The following NCBP1 variants were observed in gnomAD, a reference collection of about 807,000 sequenced individuals.
NCBP1 encodes nuclear cap-binding protein subunit 1.
Under a neutral mutation model 111.7 loss-of-function variants are expected in NCBP1, and 16 were observed. The observed-to-expected ratio is 0.14, with a 90% CI of 0.10 to 0.22. The LOEUF is 0.22. Among genes scored for constraint, NCBP1 ranks in the 10% least tolerant of loss-of-function variants. NCBP1 has a pLI of 1.00. For missense variants in NCBP1, 607 were observed against 957.5 expected (o/e 0.63, Z 4.83); for synonymous variants, 304 against 314.3 (o/e 0.97, Z 0.35).
At chr9:97,638,882 AACT>A (rs1827125468) in intron 1 of NCBP1, among the ~76,000 whole-genome samples, 1 of 152,294 alleles carries the variant, frequency 6.6e-6, no homozygotes, top group East Asian at 1.9e-4. Context: ...CCCTGTTGAG[AACT>A]ACTGCTGTAG....
chr9:97,657,885 G>GCGCTCTCTCT (rs1554694967), intron 14 of NCBP1, among the ~76,000 whole-genome samples: 2 of 114,024 alleles, frequency 1.8e-5, no homozygotes, highest in African/African-American at 7.3e-5. Context: ...GCCCCGGTAA[G>GCGCTCTCTCT]CTCTCTCTCT....
At chr9:97,646,446 T>C (rs1289668852) in intron 6 of NCBP1, among the ~76,000 whole-genome samples, 1 of 152,216 alleles carries the variant, frequency 6.6e-6, no homozygotes, top group Non-Finnish European at 1.5e-5. Context: ...GATTTTGTTG[T>C]TAAGTTTCAT....
Position 97,647,580 on chromosome 9 carries a change from C to G in NCBP1, c.681+19C>G, listed in dbSNP as rs1827379484. On this transcript the variant is annotated intron_variant, in intron 7 of 22. Transcript: ENST00000375147. ...AGAAGAGGTAAATGGATTTCAGTCC[C>G]TTGTGATACAAACACAGTCAGCTCT... is the stretch of plus-strand genomic sequence containing the variant. The G allele has an allele frequency of 6.3e-7, 1 of 1,584,046 alleles. No individual in the cohort carries two copies. The highest frequency in any genetic ancestry group is 2.2e-5 in the East Asian group (1 of 44,652).
chr9:97,658,755 A>G lies in NCBP1; in HGVS notation c.1477+12A>G. ...AGATGAAAGTAGCAGTAAGTAATGA[A>G]ACTAATCCCTCTGTCTTTAAAAGGT... On this transcript the variant is annotated intron_variant, in intron 15 of 22. Transcript: ENST00000375147. 8 of 1,547,462 alleles carry G rather than the reference A, an allele frequency of 5.2e-6. No individual in the cohort carries two copies. The highest frequency in any genetic ancestry group is 7.1e-6 in the Non-Finnish European group (8 of 1,120,006).
Position 97,648,227 on chromosome 9 carries a change from A to C in NCBP1, c.897+4A>C. 3.7e-6 allele frequency: 6 copies of C among 1,613,538 alleles called. No individual in the cohort carries two copies. The highest frequency in any genetic ancestry group is 5.1e-6 in the Non-Finnish European group (6 of 1,179,538). On this transcript the variant is annotated splice_donor_region_variant and intron_variant, in intron 8 of 22. Transcript: ENST00000375147. ...TGATTACACAGATGATCCCGAGGTA[A>C]GTGACCGACTAAAAGTCCTAGATAT...
chr9:97,663,777 C>T (rs896902586), intron 18 of NCBP1, among the ~76,000 whole-genome samples: 15 of 151,888 alleles, frequency 9.9e-5, no homozygotes, highest in Non-Finnish European at 8.8e-5. Context: ...TGAGCCACCG[C>T]GCCTGGCCAG....
intron 7 of NCBP1, 93 bp downstream of exon 7, chr9:97,647,654 C>T: frequency 3.6e-6 from 4 of 1,098,374 alleles, no homozygotes; most frequent in Non-Finnish European, 5.4e-6. Context: ...CCATTTTACC[C>T]TTTGACTGTG....
rs933129259 is a variant in NCBP1, at chr9:97,643,505, C to A, written c.381+145C>A. 11 of 836,348 alleles carry A rather than the reference C, an allele frequency of 1.3e-5. No individual in the cohort carries two copies. In the East Asian group the frequency reaches 1.8e-4, roughly 14 times the overall value. 51.8% of individuals were successfully genotyped at this position (836,348 alleles called of 1,614,324 possible). A position where few individuals can be genotyped will look rare whatever the true frequency, so the allele number is the denominator to read the frequency against. ...ATAAGCCACCTTTATTTTGACGATA[C>A]CCCCAAATCTGTAACTGTATCTCCA... On this transcript the variant is annotated intron_variant, in intron 4 of 22. Transcript: ENST00000375147.
At chr9:97,645,795 C>A in intron 6 of NCBP1, 63 bp downstream of exon 6, 1 of 1,553,340 alleles carries the variant, frequency 6.4e-7, no homozygotes, top group Non-Finnish European at 8.8e-7. Flanking sequence ...ATCAGTGATA[C>A]CATTTGAGTT....
chr9:97,634,035 G>A (rs1564013969), intron 1 of NCBP1, 120 bp downstream of exon 1: 4 of 1,256,142 alleles, frequency 3.2e-6, no homozygotes, highest in East Asian at 3.0e-5. Flanking sequence ...GGGGAGCCGC[G>A]GAGGGAAAGA....
intron 5 of NCBP1, among the ~76,000 whole-genome samples, 163 bp from the exon 6 acceptor site, chr9:97,645,448 T>G (rs574965294): frequency 1.3e-5 from 2 of 152,350 alleles, no homozygotes. Context: ...TGATGCTGTC[T>G]AGTAAGATTA....
At chr9:97,669,572 T>C in intron 21 of NCBP1, 21 bp from the exon 22 acceptor site, 1 of 1,534,214 alleles carries the variant, frequency 6.5e-7, no homozygotes, top group Non-Finnish European at 9.0e-7. Context: ...AGTACTACCT[T>C]AACTTCTTCT....
intron 20 of NCBP1, among the ~76,000 whole-genome samples, chr9:97,668,517 T>G (rs1390729485): frequency 6.6e-6 from 1 of 152,184 alleles, no homozygotes; most frequent in Non-Finnish European, 1.5e-5. Flanking sequence ...GATGAATGAT[T>G]AGCAAGCTGT....
Position 97,666,891 on chromosome 9 carries a change from A to C in NCBP1, c.2016+14A>C. The C allele has an allele frequency of 7.8e-6, 12 of 1,538,336 alleles. No individual in the cohort carries two copies. The highest frequency in any genetic ancestry group is 1.1e-5 in the Non-Finnish European group (12 of 1,128,540). On this transcript the variant is annotated intron_variant, in intron 20 of 22. Transcript: ENST00000375147. ...CAACACAAACGGGTAAGTTTTGTGT[A>C]AACTTGTAAGTAGTTAAAGAAAATA...
chr9:97,666,906 TAAAG>T (rs1345979693), intron 20 of NCBP1, 29 bp downstream of exon 20: 1 of 1,424,240 alleles, frequency 7.0e-7, no homozygotes, highest in Non-Finnish European at 9.6e-7. Flanking sequence ...TGTAAGTAGT[TAAAG>T]AAAATATACC....
intron 13 of NCBP1, 52 bp from the exon 14 acceptor site, chr9:97,655,959 G>A: frequency 3.3e-6 from 5 of 1,510,080 alleles, no homozygotes; most frequent in South Asian, 2.3e-5. Flanking sequence ...GTACAAATGG[G>A]TGTAAGTGCA....
chr9:97,652,666 AAG>A (rs1827531763), intron 10 of NCBP1, among the ~76,000 whole-genome samples: 1 of 152,194 alleles, frequency 6.6e-6, no homozygotes, highest in African/African-American at 2.4e-5. Context: ...AGGATGTATT[AAG>A]AGTCGTATCC....
At chr9:97,660,784 A>C (rs1236328889) in intron 15 of NCBP1, among the ~76,000 whole-genome samples, 162 bp from the exon 16 acceptor site, 1 of 152,246 alleles carries the variant, frequency 6.6e-6, no homozygotes, top group Non-Finnish European at 1.5e-5. Context: ...AAAAGCTTTC[A>C]CATACGGTAT....
In NCBP1 at chr9:97,670,063, C is replaced by G. The variant is rs1171854727; in HGVS notation, c.2259+357C>G. The G allele has an allele frequency of 8.4e-6, 3 of 355,082 alleles. No individual in the cohort carries two copies. The Middle Eastern group carries it at 3.0e-3, about 353-fold the overall frequency. The allele number at this position is 355,082 out of a possible 1,614,324, so 22.0% of individuals were successfully genotyped here. ...TCAGCCTCCCATATTGCTGGGATTA[C>G]AGGCACCCGTCACTACTCCTGCCTG... On this transcript the variant is annotated intron_variant, in intron 22 of 22. Coordinates refer to ENST00000375147, the MANE Select transcript of NCBP1 (RefSeq NM_002486.5).
Sources: allele counts gnomAD v4.1 joint callset (sites outside exome capture counted in the v4.1 genomes callset), GRCh38; gene constraint gnomAD v4.1.1; transcripts MANE v1.5; gene names NCBI Gene and HGNC (gene_info 2026-07-23, HGNC 2026-07-21).